TNK2: variants seen among roughly 807,000 people sequenced by gnomAD.
TNK2 encodes activated CDC42 kinase 1.
TNK2 carries 83 observed loss-of-function variants against 101.8 expected under a neutral mutation model. The ratio of observed to expected loss-of-function variants is 0.82; its 90% confidence interval spans 0.68 to 0.98. The LOEUF (loss-of-function observed/expected upper bound fraction) is 0.98, where lower values mean the gene tolerates loss of function less well. Ranked by LOEUF, TNK2 falls within the 50% of genes least tolerant of loss-of-function variation. The pLI is 0.00. For missense variants in TNK2, 1,665 were observed against 1,483.2 expected, an observed-to-expected ratio of 1.12 and a Z score of -2.01; for synonymous variants, 804 against 633.0, an observed-to-expected ratio of 1.27 and a Z score of -4.06.
chr3:195,907,816 G>A (rs963211842), intron 1 of TNK2, among the ~76,000 whole-genome samples: 3 of 152,336 alleles, frequency 2.0e-5, no homozygotes, highest in Admixed American at 6.5e-5. Flanking sequence ...GAGCCCTGGG[G>A]TGCAAGTGCA....
rs200103256 is a variant in TNK2 at position 195,868,498 on chromosome 3, G to A, written c.1800C>T (p.Cys600=). 300 of 1,550,416 alleles carry A rather than the reference G, an allele frequency of 1.9e-4. No homozygotes were observed. The East Asian group carries it at 5.8e-3, about 30-fold the overall frequency. The change falls in exon 13 of 16, where the codon TGC becomes TGT. Residue 600 remains cysteine (C), a synonymous_variant. Coordinates refer to ENST00000672887, the MANE Select transcript of TNK2 (RefSeq NM_001382273.1). ...TGGCCAGCTGCGCCAGGGAGGGCGC[G>A]CAGGGCCGTAGGGCCGGGACCACGG... is the stretch of plus-strand genomic sequence containing the variant. ...EEPVVPALRP[C]APSLAQLAMD...
chr3:195,894,426 C>CTT (rs34513179), intron 1 of TNK2: 35 of 147,146 alleles, frequency 2.4e-4, no homozygotes, highest in East Asian at 2.2e-3. Flanking sequence ...CCCCCACCCC[C>CTT]TTTTTTTTTT....
Position 195,888,805 on chromosome 3 carries a change from C to T in TNK2, c.-18-199G>A, listed in dbSNP as rs369840637. 4.1e-4 allele frequency among the ~76,000 whole-genome samples: 63 copies of T among 152,162 alleles called. No individual in the cohort carries two copies. The East Asian group carries it at 4.4e-3, about 11-fold the overall frequency. The stretch of plus-strand genomic sequence containing the variant: ...TGCCAGCCACAGGGCACAATTAGGG[C>T]GGCGGAGATACAGCCCTGGCCCTGG... On this transcript the variant is annotated intron_variant, in intron 1 of 15. Coordinates refer to ENST00000672887, the MANE Select transcript of TNK2 (RefSeq NM_001382273.1). The surrounding 1 kb of genome is among the most constrained non-coding windows in gnomAD (Gnocchi z 5.3).
rs771622602 is a variant in TNK2 at position 195,868,322 on chromosome 3, T to C, written c.1976A>G (p.Asp659Gly). 1.9e-6 allele frequency: 3 copies of C among 1,602,006 alleles called. No homozygotes were observed. The Admixed American group carries it at 5.0e-5, about 27-fold the overall frequency. The change falls in exon 13 of 16, where the codon GAC (aspartate) becomes GGC (glycine). Residue 659 changes from aspartate to glycine, a missense_variant. Physicochemically the swap from Asp to Gly is moderately conservative, Grantham distance 94. Around this residue, in one of 3 missense-constraint regions of TNK2, gnomAD observed 1,136 missense variants for 894.9 expected, o/e 1.27. Transcript: ENST00000672887. ...AYDDVAQDED[D>G]FEICSINSTL... ...GCTGTTGATGGAGCAGATCTCAAAG[T>C]CATCCTCATCCTGGGCCACGTCGTC...
chr3:195,867,344 C>T lies in TNK2; in HGVS notation c.2937+17G>A, dbSNP rs754379756. ...GGGCCCTGCCCCGCTTCGCCCACAGCCAGGCTGGGTGCTCACCATCTGGAT... is the reference window on the plus strand; with the variant it reads ...GGGCCCTGCCCCGCTTCGCCCACAGTCAGGCTGGGTGCTCACCATCTGGAT... On this transcript the variant is annotated intron_variant, in intron 13 of 15. Coordinates refer to ENST00000672887, the MANE Select transcript of TNK2 (RefSeq NM_001382273.1). 1.9e-6 allele frequency: 3 copies of T among 1,607,904 alleles called. No homozygotes were observed. Among genetic ancestry groups the T allele is most frequent in the South Asian group, 2.2e-5 (2 of 90,460 alleles).
rs780964897 is a variant in TNK2, at chr3:195,868,365, G to C, written c.1933C>G (p.Pro645Ala). ...ACGTCGTCATAGGCGGGCGGGGGGG[G>C]CAGCGGGCGTGCGTCCCAGTCCACC... ...PVVDWDARPL[P>A]PPPAYDDVAQ... The change falls in exon 13 of 16, where the codon CCC (proline) becomes GCC (alanine). Residue 645 changes from proline (P) to alanine (A), a missense_variant. By Grantham distance (27) the Pro-to-Ala change is conservative. Around this residue, in one of 3 missense-constraint regions of TNK2, gnomAD observed 1,136 missense variants for 894.9 expected, o/e 1.27. Coordinates refer to ENST00000672887, the MANE Select transcript of TNK2 (RefSeq NM_001382273.1). 1.3e-6 allele frequency: 2 copies of C among 1,596,614 alleles called. No individual in the cohort carries two copies. Among genetic ancestry groups the C allele is most frequent in the South Asian group, 2.2e-5 (2 of 90,472 alleles).
At chr3:195,906,080 A>G (rs774443279) in intron 1 of TNK2, among the ~76,000 whole-genome samples, 1 of 152,242 alleles carries the variant, frequency 6.6e-6, no homozygotes, top group Non-Finnish European at 1.5e-5. Flanking sequence ...ATGCCCGACA[A>G]CATGAGTCAT....
intron 1 of TNK2, chr3:195,895,552 C>T: frequency 1.5e-6 from 2 of 1,327,970 alleles, no homozygotes; most frequent in Non-Finnish European, 1.9e-6. Context: ...CAGCTCCGTT[C>T]CTCCTCTCCG....
rs541711356 is a variant in TNK2 at position 195,889,737 on chromosome 3, T to C, written c.-18-1131A>G. The stretch of plus-strand genomic sequence containing the variant: ...TCCTGGGCCCAGATAAAGAAGCTGG[T>C]GGCACCTTCAAAGCTAAGCAAGCGG... On this transcript the variant is annotated intron_variant, in intron 1 of 15. Coordinates refer to ENST00000672887, the MANE Select transcript of TNK2 (RefSeq NM_001382273.1). 1.9e-3 allele frequency among the ~76,000 whole-genome samples: 290 copies of C among 152,270 alleles called. 4 individuals are homozygous for C. Among genetic ancestry groups the C allele is most frequent in the African/African-American group, 5.8e-3 (241 of 41,554 alleles).
intron 15 of TNK2, among the ~76,000 whole-genome samples, chr3:195,865,867 G>A (rs1433919232): frequency 6.6e-6 from 1 of 152,146 alleles, no homozygotes; most frequent in Non-Finnish European, 1.5e-5. Context: ...CATCCATCGC[G>A]CCAGTCCCTT....
At chr3:195,892,772 T>G in intron 1 of TNK2, 6 of 1,218,152 alleles carry the variant, frequency 4.9e-6, no homozygotes, top group Non-Finnish European at 3.1e-6. Flanking sequence ...ACTCCCCGGC[T>G]TCCCCACCCA....
At chr3:195,869,424 G>A (rs1017960462) in intron 12 of TNK2, 73 bp downstream of exon 12, 1 of 1,473,992 alleles carries the variant, frequency 6.8e-7, no homozygotes, top group Non-Finnish European at 9.3e-7. Context: ...CCCAGGCTCT[G>A]TACCTTCCAG....
chr3:195,874,530 A>G (rs939074533), intron 9 of TNK2, among the ~76,000 whole-genome samples: 1 of 148,302 alleles, frequency 6.7e-6, no homozygotes, highest in Non-Finnish European at 1.5e-5. Flanking sequence ...GAGGCACAAG[A>G]AACTCCCCCT....
At position 195,868,162 on chromosome 3, in the gene TNK2, C is replaced by T. The variant is rs768623108; in HGVS notation, c.2136G>A (p.Pro712=). 123 of 1,609,672 alleles carry T rather than the reference C, an allele frequency of 7.6e-5. No individual in the cohort carries two copies. Among genetic ancestry groups the T allele is most frequent in the Middle Eastern group, 4.9e-4 (3 of 6,080 alleles). The part of the protein sequence containing the change: ...LFLPPQGGGK[P]PSSAQTAEIF... ...TCTCTGCGGTCTGTGCGGAGCTGGG[C>T]GGCTTGCCCCCACCCTGGGGCGGGA... Residue 712 remains proline (P), a synonymous_variant, in exon 13 of 16, where the codon CCG becomes CCA. Coordinates refer to ENST00000672887, the MANE Select transcript of TNK2 (RefSeq NM_001382273.1).
intron 1 of TNK2, chr3:195,895,880 A>ACGCCGGGCGCC (rs928830857): frequency 6.5e-6 from 1 of 154,880 alleles, no homozygotes; most frequent in African/African-American, 2.4e-5. Flanking sequence ...TGCTCCCAGA[A>ACGCCGGGCGCC]CGCCGGGCGC....
rs752710012 is a variant in TNK2 at position 195,888,059 on chromosome 3, T to C, written c.163+367A>G. On this transcript the variant is annotated intron_variant, in intron 2 of 15. Coordinates refer to ENST00000672887, the MANE Select transcript of TNK2 (RefSeq NM_001382273.1). The surrounding 1 kb of genome is among the most constrained non-coding windows in gnomAD (Gnocchi z 5.3). ...ACGAATCAGCAAACCATCTGAGAGTTAGCGTTCTCCCTACAGATCTCTGCA... is the reference window on the plus strand; with the variant it reads ...ACGAATCAGCAAACCATCTGAGAGTCAGCGTTCTCCCTACAGATCTCTGCA... 6.6e-6 allele frequency among the ~76,000 whole-genome samples: 1 copy of C among 151,988 alleles called. No individual in the cohort carries two copies. Among genetic ancestry groups the C allele is most frequent in the Non-Finnish European group, 1.5e-5 (1 of 67,982 alleles).
At chr3:195,892,392 GC>G in intron 1 of TNK2, 1 of 1,527,020 alleles carries the variant, frequency 6.5e-7, no homozygotes, top group Non-Finnish European at 8.8e-7. Context: ...CAGCAGTCCA[GC>G]CCCTGCCCCC....
chr3:195,885,590 G>T lies in TNK2; in HGVS notation c.235-557C>A. 3 of 1,289,732 alleles carry T rather than the reference G, an allele frequency of 2.3e-6. No homozygotes were observed. The highest frequency in any genetic ancestry group is 3.0e-6 in the Non-Finnish European group (3 of 988,726). The allele number at this position is 1,289,732 out of a possible 1,614,324, so 79.9% of individuals were successfully genotyped here. On this transcript the variant is annotated intron_variant, in intron 3 of 15. Coordinates refer to ENST00000672887, the MANE Select transcript of TNK2 (RefSeq NM_001382273.1). This position sits in a 1 kb window ranked among gnomAD's most constrained non-coding sequence, Gnocchi z 4.7. ...TTTAGTCTGAGGTTGAACCGTGAGT[G>T]TGTGTGTGGTTCAGATGAAGCTAGT...
At chr3:195,895,251 G>A (rs1353227592) in intron 1 of TNK2, 1 of 1,544,536 alleles carries the variant, frequency 6.5e-7, no homozygotes, top group Admixed American at 2.1e-5. Flanking sequence ...ATTACCTGCG[G>A]TCCCTCCTCG....
Sources: allele counts gnomAD v4.1 joint callset (sites outside exome capture counted in the v4.1 genomes callset), GRCh38; gene constraint gnomAD v4.1.1; regional missense constraint gnomAD v4.1.1; non-coding constraint Gnocchi (gnomAD v3.1); transcripts MANE v1.5; gene names NCBI Gene and HGNC (gene_info 2026-07-23, HGNC 2026-07-21).